The following TMEM214 variants were observed in gnomAD, a reference collection of about 807,000 sequenced individuals.
TMEM214 encodes transmembrane protein 214.
Under a neutral mutation model 89.8 loss-of-function variants are expected in TMEM214, and 71 were observed. That is an observed-to-expected ratio of 0.79 (90% confidence interval 0.65 to 0.96). TMEM214 has a LOEUF of 0.96. Among genes scored for constraint, TMEM214 ranks in the 40% least tolerant of loss-of-function variants. The pLI is 0.00. For missense variants in TMEM214, 754 were observed against 843.4 expected (o/e 0.89, Z 1.31); for synonymous variants, 332 against 349.5 (o/e 0.95, Z 0.56).
chr2:27,039,654 C>T, intron 13 of TMEM214, 87 bp from the exon 14 acceptor site: 1 of 1,173,988 alleles, frequency 8.5e-7, no homozygotes, highest in Non-Finnish European at 1.3e-6. Context: ...CAGCGCCTCG[C>T]TGTGCCTGCT....
chr2:27,033,416 C>G (rs1053830735), intron 1 of TMEM214, among the ~76,000 whole-genome samples: 1 of 152,186 alleles, frequency 6.6e-6, no homozygotes, highest in Non-Finnish European at 1.5e-5. Context: ...GGCTAGGATT[C>G]CGGTCCTCAG....
chr2:27,034,320 A>G (rs1667455540), intron 2 of TMEM214, 54 bp downstream of exon 2: 1 of 1,583,414 alleles, frequency 6.3e-7, no homozygotes, highest in South Asian at 1.1e-5. Flanking sequence ...AGATTTAGAG[A>G]AGATGAGAGG....
In TMEM214 at chr2:27,038,879, G is replaced by C. The variant is rs1232120630; in HGVS notation, c.1407+64G>C. ...TACATCTCTGTCTCAGCACACCTGG[G>C]TTGGGCCTGTATCACATTCCTGCCC... On this transcript the variant is annotated intron_variant, in intron 12 of 16. Coordinates refer to ENST00000238788, the MANE Select transcript of TMEM214 (RefSeq NM_017727.5). This position sits in a 1 kb window ranked among gnomAD's most constrained non-coding sequence, Gnocchi z 4.4. 1 of 1,513,130 alleles carries C rather than the reference G, an allele frequency of 6.6e-7. No individual in the cohort carries two copies. Among genetic ancestry groups the C allele is most frequent in the East Asian group, 2.3e-5 (1 of 44,082 alleles). 93.7% of individuals were successfully genotyped at this position (1,513,130 alleles called of 1,614,324 possible).
chr2:27,040,018 C>T lies in TMEM214; in HGVS notation c.1623-12C>T. ...ACTCAGAGCCCTCTTCCCCCACTTCCATCTTCCACAGCTGGCTGGGGGAGA... is the reference window on the plus strand; with the variant it reads ...ACTCAGAGCCCTCTTCCCCCACTTCTATCTTCCACAGCTGGCTGGGGGAGA... On this transcript the variant is annotated splice_polypyrimidine_tract_variant and intron_variant, in intron 14 of 16. Transcript: ENST00000238788. 6.2e-7 allele frequency: 1 copy of T among 1,600,690 alleles called. No individual in the cohort carries two copies. Among genetic ancestry groups the T allele is most frequent in the Non-Finnish European group, 8.5e-7 (1 of 1,176,844 alleles).
At chr2:27,037,924 A>G in intron 9 of TMEM214, 1 of 1,549,906 alleles carries the variant, frequency 6.5e-7, no homozygotes, top group Non-Finnish European at 8.7e-7. Context: ...CGTCTCTTGC[A>G]GATAGTGATC....
At position 27,037,662 on chromosome 2, in the gene TMEM214, C is replaced by G. The variant is rs771245856; in HGVS notation, c.1112C>G (p.Ser371Cys). 11 of 1,614,074 alleles carry G rather than the reference C, an allele frequency of 6.8e-6. No homozygotes were observed. The highest frequency in any genetic ancestry group is 5.1e-6 in the Non-Finnish European group (6 of 1,180,042). The change falls in exon 9 of 17, where the codon TCC becomes TGC. Residue 371 changes from serine (S) to cysteine (C), a missense_variant. By Grantham distance (112) the Ser-to-Cys change is moderately radical. Coordinates refer to ENST00000238788, the MANE Select transcript of TMEM214 (RefSeq NM_017727.5). ...TLHTYFPSFL[S>C]RATPSCPPEM... ...CATACCTACTTCCCTTCTTTCCTGT[C>G]CAGAGCCACCCCTAGCTGTCCCCCT...
chr2:27,038,148 C>A lies in TMEM214; in HGVS notation c.1155C>A (p.Leu385=). The A allele has an allele frequency of 6.2e-7, 1 of 1,614,142 alleles. No individual in the cohort carries two copies. The highest frequency in any genetic ancestry group is 8.5e-7 in the Non-Finnish European group (1 of 1,180,020). ...TCTCCCTCTGTCGTGCTGTGCAGCTCCTGAGCAGCCTGACTGAGTGCCTGA... is the reference window on the plus strand; with the variant it reads ...TCTCCCTCTGTCGTGCTGTGCAGCTACTGAGCAGCCTGACTGAGTGCCTGA... ...PSCPPEMKKE[L]LSSLTECLTV... is the part of the protein sequence containing the mutation. Residue 385 remains leucine (L), a splice_region_variant and synonymous_variant, in exon 10 of 17, where the codon CTC becomes CTA. Transcript: ENST00000238788. This position sits in a 1 kb window ranked among gnomAD's most constrained non-coding sequence, Gnocchi z 4.4.
At chr2:27,034,318 A>G in intron 2 of TMEM214, 52 bp downstream of exon 2, 3 of 1,585,318 alleles carry the variant, frequency 1.9e-6, no homozygotes, top group Non-Finnish European at 2.6e-6. Context: ...TGAGATTTAG[A>G]GAAGATGAGA....
At position 27,038,584 on chromosome 2, in the gene TMEM214, C is replaced by T. The variant is rs769410028; in HGVS notation, c.1293+52C>T. ...TTGAGCCCTGTCTGGATTCTAGGTT[C>T]TGAGTGGGGGCTCCTCAGCCACTGT... is the stretch of plus-strand genomic sequence containing the variant. On this transcript the variant is annotated intron_variant, in intron 11 of 16. Coordinates refer to ENST00000238788, the MANE Select transcript of TMEM214 (RefSeq NM_017727.5). This position sits in a 1 kb window ranked among gnomAD's most constrained non-coding sequence, Gnocchi z 4.4. The T allele has an allele frequency of 6.2e-7, 1 of 1,611,840 alleles. No homozygotes were observed. The highest frequency in any genetic ancestry group is 8.5e-7 in the Non-Finnish European group (1 of 1,178,428).
In TMEM214 at chr2:27,035,621, A is replaced by T; in HGVS notation, c.530A>T (p.Glu177Val). 6.2e-7 allele frequency: 1 copy of T among 1,614,138 alleles called. No individual in the cohort carries two copies. The highest frequency in any genetic ancestry group is 1.1e-5 in the South Asian group (1 of 91,082). The change falls in exon 4 of 17, where the codon GAG becomes GTG. Residue 177 changes from glutamate (E) to valine (V), a missense_variant. By Grantham distance (121) the Glu-to-Val change is moderately radical. Coordinates refer to ENST00000238788, the MANE Select transcript of TMEM214 (RefSeq NM_017727.5). Reference sequence around the variant, plus strand: ...TATCCCTACAGCCTGGTGAGCCGGGAGCTACGTGGGATCATCCGAGGGCTG... The same window carrying T: ...TATCCCTACAGCCTGGTGAGCCGGGTGCTACGTGGGATCATCCGAGGGCTG... Reference protein sequence around the residue: ...HDYPYSLVSRELRGIIRGLLA... With the variant: ...HDYPYSLVSRVLRGIIRGLLA...
chr2:27,036,827 C>G, intron 7 of TMEM214, 41 bp downstream of exon 7: 1 of 1,603,352 alleles, frequency 6.2e-7, no homozygotes, highest in Admixed American at 1.7e-5. Flanking sequence ...CTCAGGGTGT[C>G]CCAAGTGGCT....
rs374406887 is a variant in TMEM214, at chr2:27,039,755, C to T, written c.1540C>T (p.Arg514Trp). 1.1e-5 allele frequency: 18 copies of T among 1,614,194 alleles called. No individual in the cohort carries two copies. Among genetic ancestry groups the T allele is most frequent in the African/African-American group, 4.0e-5 (3 of 75,056 alleles). The change falls in exon 14 of 17, where the codon CGG becomes TGG. Residue 514 changes from arginine (R) to tryptophan (W), a missense_variant. By Grantham distance (101) the Arg-to-Trp change is moderately radical. Transcript: ENST00000238788. ...HSSFQASLTG[R>W]LLRSSGFLPA... ...CCTTTACTTAGCCTCCCTTACTGGC[C>T]GGTTGCTTCGATCATCTGGCTTCTT... is the stretch of plus-strand genomic sequence containing the variant.
chr2:27,034,430 G>A, intron 2 of TMEM214, 164 bp downstream of exon 2: 1 of 747,834 alleles, frequency 1.3e-6, no homozygotes, highest in South Asian at 1.9e-5. Context: ...GGAACAGAAT[G>A]CCTGCACTTA....
At position 27,040,829 on chromosome 2, in the gene TMEM214, C is replaced by A; in HGVS notation, c.2062C>A (p.Gln688Lys). 6.2e-7 allele frequency: 1 copy of A among 1,613,452 alleles called. No individual in the cohort carries two copies. Among genetic ancestry groups the A allele is most frequent in the South Asian group, 1.1e-5 (1 of 91,080 alleles). The stretch of plus-strand genomic sequence containing the variant: ...GGACTGGGCACTTGCCCTGATATCC[C>A]AGCAGTAGGCCCTGCCTTCCTGGCC... ...FLDWALALIS[Q>K]Q Residue 688 changes from glutamine to lysine, a missense_variant, in exon 17 of 17, where the codon CAG (glutamine) becomes AAG (lysine). By Grantham distance (53) the Gln-to-Lys change is moderately conservative. Coordinates refer to ENST00000238788, the MANE Select transcript of TMEM214 (RefSeq NM_017727.5).
intron 16 of TMEM214, 107 bp downstream of exon 16, chr2:27,040,603 C>T (rs935005287): frequency 6.3e-7 from 1 of 1,584,820 alleles, no homozygotes; most frequent in Non-Finnish European, 8.6e-7. Flanking sequence ...GCCCCTCGCT[C>T]CCATTCCTGG....
At chr2:27,036,859 A>G (rs1034426308) in intron 7 of TMEM214, 73 bp downstream of exon 7, 3 of 1,484,356 alleles carry the variant, frequency 2.0e-6, no homozygotes, top group Non-Finnish European at 9.4e-7. Context: ...ATGGGAGGCT[A>G]TGATCTTGGT....
At chr2:27,037,968 C>T in intron 9 of TMEM214, 178 bp from the exon 10 acceptor site, 2 of 1,551,698 alleles carry the variant, frequency 1.3e-6, no homozygotes, top group South Asian at 2.4e-5. Context: ...GGAGCCCCAG[C>T]CTCCTGCTTT....
chr2:27,034,339 G>C, intron 2 of TMEM214, 73 bp downstream of exon 2: 2 of 1,510,760 alleles, frequency 1.3e-6, no homozygotes, highest in Non-Finnish European at 1.8e-6. Context: ...GGAGGGGGAG[G>C]TGGATGGGCA....
At position 27,040,730 on chromosome 2, in the gene TMEM214, T is replaced by C. The variant is rs887092355; in HGVS notation, c.1963T>C (p.Cys655Arg). 1 of 1,614,108 alleles carries C rather than the reference T, an allele frequency of 6.2e-7. No individual in the cohort carries two copies. The highest frequency in any genetic ancestry group is 8.5e-7 in the Non-Finnish European group (1 of 1,180,018). Residue 655 changes from cysteine to arginine, a missense_variant, in exon 17 of 17, where the codon TGC becomes CGC. By Grantham distance (180) the Cys-to-Arg change is radical (BLOSUM62 -3). Transcript: ENST00000238788. ...TTCCAGAGGTGAGGTGACCTGGGAC[T>C]GCATGAAGACACAGCTCAGTGAGGC... ...EACRGEVTWD[C>R]MKTQLSEAVH...
Sources: allele counts gnomAD v4.1 joint callset (sites outside exome capture counted in the v4.1 genomes callset), GRCh38; gene constraint gnomAD v4.1.1; non-coding constraint Gnocchi (gnomAD v3.1); transcripts MANE v1.5; gene names NCBI Gene and HGNC (gene_info 2026-07-23, HGNC 2026-07-21).